Variants in CPEB2 observed in about 807,000 individuals in gnomAD.
CPEB2 encodes cytoplasmic polyadenylation element-binding protein 2.
CPEB2 carries 56 observed loss-of-function variants against 93.6 expected under a neutral mutation model. That is an observed-to-expected ratio of 0.60 (90% CI 0.48 to 0.75). CPEB2 has a LOEUF of 0.75. Ranked by LOEUF, CPEB2 falls within the 30% of genes least tolerant of loss-of-function variation. CPEB2 has a pLI of 0.00. For missense variants in CPEB2, 1,579 were observed against 1,395.1 expected (o/e 1.13, Z -2.10); for synonymous variants, 764 against 586.3 (o/e 1.30, Z -4.38).
At chr4:15,026,122 A>T (rs1725429108) in intron 4 of CPEB2, among the ~76,000 whole-genome samples, 1 of 152,100 alleles carries the variant, frequency 6.6e-6, no homozygotes. Context: ...ACTCTTTGGC[A>T]CCCCTATCAA....
rs1270772341 is a variant in CPEB2, at chr4:15,007,412, C to T, written c.1770C>T (p.Asn590=). 3 of 1,613,988 alleles carry T rather than the reference C, an allele frequency of 1.9e-6. No individual in the cohort carries two copies. Among genetic ancestry groups the T allele is most frequent in the South Asian group, 1.1e-5 (1 of 91,070 alleles). ...GCAGAGATCATCGTAGAACCGGAAA[C>T]ATGGGAATCCCAGGAACTATGAATC... ...MHGRDHRRTG[N]MGIPGTMNQI... Residue 590 remains asparagine (N), a synonymous_variant, in exon 2 of 12, where the codon AAC becomes AAT. Coordinates refer to ENST00000538197, the MANE Select transcript of CPEB2 (RefSeq NM_001177382.2).
intron 6 of CPEB2, among the ~76,000 whole-genome samples, chr4:15,044,366 G>T (rs896666597): frequency 2.0e-5 from 3 of 152,068 alleles, no homozygotes; most frequent in African/African-American, 7.2e-5. Context: ...AAAAAAATTT[G>T]CTGACCTCCC....
intron 6 of CPEB2, among the ~76,000 whole-genome samples, chr4:15,050,667 A>G (rs1560247497): frequency 6.6e-6 from 1 of 152,132 alleles, no homozygotes; most frequent in Non-Finnish European, 1.5e-5. Flanking sequence ...TTGTTACTTA[A>G]TTGCTCTTTC....
At chr4:15,022,774 G>T (rs1158224623) in intron 4 of CPEB2, among the ~76,000 whole-genome samples, 1 of 151,884 alleles carries the variant, frequency 6.6e-6, no homozygotes, top group Non-Finnish European at 1.5e-5. Context: ...CCACTACTAA[G>T]AATTGTTCAT....
intron 4 of CPEB2, among the ~76,000 whole-genome samples, chr4:15,029,402 C>G (rs183481326): frequency 7.9e-5 from 12 of 152,002 alleles, no homozygotes; most frequent in South Asian, 4.2e-4. Context: ...ACGATAGATC[C>G]TCTAGTTATT....
At chr4:15,058,206 G>A (rs1387119848) in intron 8 of CPEB2, among the ~76,000 whole-genome samples, 2 of 152,124 alleles carry the variant, frequency 1.3e-5, no homozygotes, top group East Asian at 3.9e-4. Context: ...CTGATAGCAA[G>A]TGTTCTATAT....
chr4:15,018,342 T>A (rs1169992732), intron 4 of CPEB2, among the ~76,000 whole-genome samples: 1 of 151,872 alleles, frequency 6.6e-6, no homozygotes, highest in African/African-American at 2.4e-5. Context: ...TAAAAAGAAT[T>A]CCTTGTCTTT....
chr4:15,051,849 G>C (rs942026011), intron 6 of CPEB2, among the ~76,000 whole-genome samples: 3 of 152,194 alleles, frequency 2.0e-5, no homozygotes, highest in Admixed American at 1.3e-4. Context: ...GCTCAAATGG[G>C]CACTAACGTG....
intron 6 of CPEB2, among the ~76,000 whole-genome samples, chr4:15,048,047 G>A (rs920841873): frequency 7.9e-5 from 12 of 151,716 alleles, no homozygotes; most frequent in Non-Finnish European, 1.8e-4. Flanking sequence ...GTTTTAAAAT[G>A]ATAAATCAAT....
intron 6 of CPEB2, among the ~76,000 whole-genome samples, chr4:15,042,750 A>G (rs1045100597): frequency 6.6e-6 from 1 of 152,186 alleles, no homozygotes; most frequent in African/African-American, 2.4e-5. Context: ...CTGCATACCA[A>G]AGGAATGACT....
chr4:15,053,729 A>T (rs1247413351), intron 7 of CPEB2, among the ~76,000 whole-genome samples: 1 of 152,150 alleles, frequency 6.6e-6, no homozygotes, highest in African/African-American at 2.4e-5. Context: ...GTCTTGTTTT[A>T]GCAGACCTTT....
intron 10 of CPEB2, 77 bp downstream of exon 10, chr4:15,059,378 C>A (rs1321974592): frequency 2.2e-6 from 2 of 929,354 alleles, no homozygotes; most frequent in Non-Finnish European, 1.7e-6. Flanking sequence ...CGTTTGGAAG[C>A]TATTGTGTAC....
At chr4:15,064,390 G>T (rs566789262) in intron 11 of CPEB2, among the ~76,000 whole-genome samples, 3 of 151,994 alleles carry the variant, frequency 2.0e-5, no homozygotes, top group African/African-American at 7.2e-5. Flanking sequence ...GAGTAAAGTA[G>T]GTTAGCTTCA....
chr4:15,059,070 T>A (rs1224926205), intron 9 of CPEB2, 117 bp from the exon 10 acceptor site: 8 of 540,960 alleles, frequency 1.5e-5, no homozygotes, highest in Non-Finnish European at 2.3e-5. Flanking sequence ...TGTTTCCAGA[T>A]CCCACTATAC....
chr4:15,003,678 C>T lies in CPEB2; in HGVS notation c.1005C>T (p.Gly335=), dbSNP rs1410175992. Residue 335 remains glycine (G), a synonymous_variant, in exon 1 of 12, where the codon GGC becomes GGT. Transcript: ENST00000538197. ...PSNLLPGGAL[G]AGAFSSLQSP... ...ACCTCCTGCCCGGAGGTGCGCTTGG[C>T]GCGGGCGCCTTCAGCAGCCTGCAGA... 13 of 1,461,738 alleles carry T rather than the reference C, an allele frequency of 8.9e-6. No individual in the cohort carries two copies. The highest frequency in any genetic ancestry group is 1.5e-5 in the African/African-American group (1 of 68,054). The allele number at this position is 1,461,738 out of a possible 1,614,324, so 90.5% of individuals were successfully genotyped here.
In CPEB2 at chr4:15,017,314, A is replaced by T. The variant is rs189490499; in HGVS notation, c.2125+36A>T. 8.2e-6 allele frequency: 9 copies of T among 1,092,370 alleles called. No homozygotes were observed. The East Asian group carries it at 9.9e-5, about 12-fold the overall frequency. 67.7% of individuals were successfully genotyped at this position (1,092,370 alleles called of 1,614,324 possible). ...TTTTAAAAAAATATATGTTTATATTATACACCAATTTGCTTATCTTACTAG... is the reference window on the plus strand; with the variant it reads ...TTTTAAAAAAATATATGTTTATATTTTACACCAATTTGCTTATCTTACTAG... On this transcript the variant is annotated intron_variant, in intron 4 of 11. Transcript: ENST00000538197.
chr4:15,039,095 G>C (rs1726920427), intron 5 of CPEB2, among the ~76,000 whole-genome samples: 1 of 152,158 alleles, frequency 6.6e-6, no homozygotes, highest in Admixed American at 6.5e-5. Context: ...GCCAGACTTT[G>C]GGGTCATTGG....
chr4:15,031,669 G>A (rs1726109236), intron 4 of CPEB2, among the ~76,000 whole-genome samples: 1 of 152,158 alleles, frequency 6.6e-6, no homozygotes, highest in South Asian at 2.1e-4. Context: ...TGTTGAGTCT[G>A]AAATCAAAAT....
chr4:15,018,999 T>G (rs1724518571), intron 4 of CPEB2, among the ~76,000 whole-genome samples: 1 of 148,238 alleles, frequency 6.7e-6, no homozygotes, highest in African/African-American at 2.5e-5. Flanking sequence ...CATATATAGA[T>G]ATATATGTTT....
Sources: gnomAD v4.1 joint callset for allele counts (sites outside exome capture counted in the v4.1 genomes callset) on GRCh38, gnomAD v4.1.1 for gene constraint, MANE v1.5 for transcripts, NCBI Gene and HGNC (gene_info 2026-07-23, HGNC 2026-07-21) for gene names.